SLC6A2: variants seen among roughly 807,000 people sequenced by gnomAD.
SLC6A2 encodes solute carrier family 6 member 2.
Under a neutral mutation model 71.7 loss-of-function variants are expected in SLC6A2, and 26 were observed. The ratio of observed to expected loss-of-function variants is 0.36; its 90% CI spans 0.27 to 0.50. SLC6A2 has a LOEUF of 0.50. SLC6A2 is among the 20% of genes least tolerant of loss of function. The pLI, the probability that SLC6A2 is intolerant of heterozygous loss-of-function variation, is 0.96. For synonymous variants in SLC6A2, 363 were observed against 337.9 expected (o/e 1.07, Z -0.82); for missense variants, 581 against 803.9 (o/e 0.72, Z 3.35).
chr16:55,679,576 T>G (rs544954633), intron 4 of SLC6A2, among the ~76,000 whole-genome samples: 20 of 152,328 alleles, frequency 1.3e-4, no homozygotes, highest in Admixed American at 2.6e-4. Flanking sequence ...CCTTTCCTCT[T>G]CTTTTTCTCT....
At chr16:55,686,907 G>A (rs1252185024) in intron 5 of SLC6A2, among the ~76,000 whole-genome samples, 1 of 152,010 alleles carries the variant, frequency 6.6e-6, no homozygotes, top group Non-Finnish European at 1.5e-5. Context: ...AGGATGGGTG[G>A]GTATATAAGT....
rs1278135338 is a variant in SLC6A2 at position 55,699,659 on chromosome 16, G to A, written c.1590+5G>A. 6.2e-7 allele frequency: 1 copy of A among 1,603,834 alleles called. No homozygotes were observed. Among genetic ancestry groups the A allele is most frequent in the Non-Finnish European group, 8.5e-7 (1 of 1,170,570 alleles). On this transcript the variant is annotated splice_donor_5th_base_variant and intron_variant, in intron 12 of 14. Coordinates refer to ENST00000568943, the MANE Select transcript of SLC6A2 (RefSeq NM_001172501.3). ...GTCAGTCCTGCCTTCCTCCTGGTGTGTAGTGTCTGCAGGGAAGTCCTGCAT... is the reference window on the plus strand; with the variant it reads ...GTCAGTCCTGCCTTCCTCCTGGTGTATAGTGTCTGCAGGGAAGTCCTGCAT...
chr16:55,683,426 A>G (rs1965342354), intron 4 of SLC6A2, among the ~76,000 whole-genome samples: 1 of 152,166 alleles, frequency 6.6e-6, no homozygotes, highest in Non-Finnish European at 1.5e-5. Context: ...AGCCTGGCGA[A>G]CATGGTGAAA....
At chr16:55,663,335 G>T (rs1166083893) in intron 2 of SLC6A2, among the ~76,000 whole-genome samples, 1 of 152,084 alleles carries the variant, frequency 6.6e-6, no homozygotes, top group Non-Finnish European at 1.5e-5. Context: ...TTTGGAGAGG[G>T]TAAGTGAGTT....
At chr16:55,700,455 C>T (rs552993458) in intron 13 of SLC6A2, 149 bp downstream of exon 13, 3 of 658,422 alleles carry the variant, frequency 4.6e-6, no homozygotes, top group African/African-American at 1.8e-5. Context: ...AGGTTATTTT[C>T]CCCCATGAGC....
intron 2 of SLC6A2, among the ~76,000 whole-genome samples, chr16:55,667,925 A>G (rs1964798697): frequency 6.6e-6 from 1 of 152,232 alleles, no homozygotes; most frequent in Non-Finnish European, 1.5e-5. Flanking sequence ...AAGGTCGGTC[A>G]GGTCATTTAA....
Position 55,692,023 on chromosome 16 carries a change from A to G in SLC6A2, c.889A>G (p.Ile297Val), listed in dbSNP as rs1161401734. The G allele has an allele frequency of 6.2e-7, 1 of 1,614,190 alleles. No individual in the cohort carries two copies. The highest frequency in any genetic ancestry group is 1.1e-5 in the South Asian group (1 of 91,080). Residue 297 changes from isoleucine (I) to valine (V), a missense_variant, in exon 6 of 15, where the codon ATC (isoleucine) becomes GTC (valine). This residue lies in a region of SLC6A2 where 334 missense variants were observed against 449.0 expected (regional missense o/e 0.74). Coordinates refer to ENST00000568943, the MANE Select transcript of SLC6A2 (RefSeq NM_001172501.3). Reference sequence around the variant, plus strand: ...CAATGGCATCAATGCCTACCTGCACATCGACTTCTACCGCTTGAAAGAGGC... The same window carrying G: ...CAATGGCATCAATGCCTACCTGCACGTCGACTTCTACCGCTTGAAAGAGGC... ...ASNGINAYLH[I>V]DFYRLKEATV...
Position 55,697,944 on chromosome 16 carries a change from G to C in SLC6A2, c.1308G>C (p.Gln436His). 1.2e-6 allele frequency: 2 copies of C among 1,614,018 alleles called. No individual in the cohort carries two copies. Among genetic ancestry groups the C allele is most frequent in the Middle Eastern group, 1.7e-4 (1 of 6,060 alleles). The change falls in exon 10 of 15, where the codon CAG (glutamine) becomes CAC (histidine). Residue 436 changes from glutamine to histidine, a missense_variant. Gln to His is a conservative substitution (Grantham distance 24). Coordinates refer to ENST00000568943, the MANE Select transcript of SLC6A2 (RefSeq NM_001172501.3). The part of the protein sequence containing the change: ...AVITGLADDF[Q>H]VLKRHRKLFT... ...TCACGGGCCTGGCAGATGACTTCCA[G>C]GTCCTGAAGCGACACCGGAAACTCT...
At chr16:55,662,429 G>A (rs772299600) in intron 2 of SLC6A2, among the ~76,000 whole-genome samples, 1 of 152,196 alleles carries the variant, frequency 6.6e-6, no homozygotes, top group Admixed American at 6.5e-5. Flanking sequence ...CCTTTAAGGG[G>A]CTCATGATAT....
chr16:55,658,145 C>T (rs1203614760), intron 2 of SLC6A2, among the ~76,000 whole-genome samples: 1 of 152,104 alleles, frequency 6.6e-6, no homozygotes, highest in Non-Finnish European at 1.5e-5. Flanking sequence ...TTCACAGGCT[C>T]TAGGACTTAC....
intron 3 of SLC6A2, among the ~76,000 whole-genome samples, chr16:55,670,047 C>A (rs1043363703): frequency 2.0e-5 from 3 of 152,222 alleles, no homozygotes; most frequent in Non-Finnish European, 4.4e-5. Context: ...AGAAGTTGAT[C>A]ATGGATCTTT....
intron 4 of SLC6A2, among the ~76,000 whole-genome samples, chr16:55,673,217 T>C (rs1283429566): frequency 6.6e-6 from 1 of 152,234 alleles, no homozygotes; most frequent in African/African-American, 2.4e-5. Context: ...ACTGTGGTTA[T>C]GCATTTTGGC....
In SLC6A2 at chr16:55,702,589, C is replaced by T. The variant is rs1319146849; in HGVS notation, c.*243C>T. 1 of 1,419,072 alleles carries T rather than the reference C, an allele frequency of 7.0e-7. No individual in the cohort carries two copies. The highest frequency in any genetic ancestry group is 9.2e-7 in the Non-Finnish European group (1 of 1,087,612). The allele number at this position is 1,419,072 out of a possible 1,614,324, so 87.9% of individuals were successfully genotyped here. On this transcript the variant is annotated 3_prime_UTR_variant, in exon 15 of 15. Transcript: ENST00000568943. ...AACAGGAAAATGACTTCTGTTCTGT[C>T]CCCGCTGTTTTGGGGGAAGTCTCTC... is the stretch of plus-strand genomic sequence containing the variant.
At chr16:55,684,309 A>C (rs1462953020) in intron 4 of SLC6A2, among the ~76,000 whole-genome samples, 6 of 151,190 alleles carry the variant, frequency 4.0e-5, no homozygotes, top group African/African-American at 7.3e-5. Flanking sequence ...TCAAAAAAAA[A>C]AAAAAAAACA....
At chr16:55,669,441 G>GCGT (rs1453237465) in intron 2 of SLC6A2, 124 bp from the exon 3 acceptor site, 1 of 880,940 alleles carries the variant, frequency 1.1e-6, no homozygotes, top group East Asian at 2.4e-5. Flanking sequence ...TGATTGCTGC[G>GCGT]CGTCGCCTTT....
At chr16:55,696,116 C>A (rs1218527475) in intron 8 of SLC6A2, 109 bp from the exon 9 acceptor site, 1 of 764,416 alleles carries the variant, frequency 1.3e-6, no homozygotes, top group Non-Finnish European at 2.4e-6. Context: ...AACCTGTGTT[C>A]TGTCCGCCCA....
chr16:55,696,358 T>A (rs1965798407), intron 9 of SLC6A2, 21 bp downstream of exon 9: 1 of 1,435,018 alleles, frequency 7.0e-7, no homozygotes, highest in African/African-American at 1.4e-5. Flanking sequence ...CTGCTTAGGA[T>A]ACCTATCCCC....
In SLC6A2 at chr16:55,656,712, G is replaced by A. The variant is rs1337637568; in HGVS notation, c.18G>A (p.Met6Ile). 6.2e-7 allele frequency: 1 copy of A among 1,612,588 alleles called. No individual in the cohort carries two copies. The highest frequency in any genetic ancestry group is 1.3e-5 in the African/African-American group (1 of 74,998). MLLARMNPQVQPENNG... is the reference protein window; with the variant it reads MLLARINPQVQPENNG... ...CCGCATCCATGCTTCTGGCGCGGAT[G>A]AACCCGCAGGTGCAGCCCGAGAACA... Residue 6 changes from methionine (M) to isoleucine (I), a missense_variant, in exon 2 of 15, where the codon ATG becomes ATA. Physicochemically the swap from Met to Ile is conservative, Grantham distance 10 (BLOSUM62 1). This residue lies in a region of SLC6A2 where 76 missense variants were observed against 79.9 expected (regional missense o/e 0.95). Coordinates refer to ENST00000568943, the MANE Select transcript of SLC6A2 (RefSeq NM_001172501.3). The surrounding 1 kb of genome is among the most constrained non-coding windows in gnomAD (Gnocchi z 4.5).
At chr16:55,682,298 A>G (rs1965298567) in intron 4 of SLC6A2, among the ~76,000 whole-genome samples, 1 of 152,258 alleles carries the variant, frequency 6.6e-6, no homozygotes, top group Admixed American at 6.5e-5. Flanking sequence ...CGTATGGGAA[A>G]ATGTGTGGTG....
Sources: gnomAD v4.1 joint callset for allele counts (sites outside exome capture counted in the v4.1 genomes callset) on GRCh38, gnomAD v4.1.1 for gene constraint, gnomAD v4.1.1 regional missense constraint, Gnocchi (gnomAD v3.1) non-coding constraint, MANE v1.5 for transcripts, NCBI Gene and HGNC (gene_info 2026-07-23, HGNC 2026-07-21) for gene names.